Variants in AAK1 observed in about 807,000 individuals in gnomAD.
The protein encoded by AAK1 is AP2 associated kinase 1.
A neutral mutation model predicts 116.0 loss-of-function variants in AAK1; 37 were observed. The ratio of observed to expected loss-of-function variants is 0.32; its 90% CI spans 0.25 to 0.42. The LOEUF (loss-of-function observed/expected upper bound fraction) is 0.42, where lower values mean the gene tolerates loss of function less well. AAK1 is among the 10% of genes least tolerant of loss of function. The pLI, the probability that AAK1 is intolerant of heterozygous loss-of-function variation, is 1.00. For missense variants in AAK1, 919 were observed against 1,170.6 expected (o/e 0.79, Z 3.14); for synonymous variants, 458 against 439.9 (o/e 1.04, Z -0.51).
chr2:69,531,880 C>T, intron 6 of AAK1, 161 bp downstream of exon 6: 3 of 1,334,604 alleles, frequency 2.2e-6, no homozygotes, highest in East Asian at 5.0e-5. Flanking sequence ...CCTCATTCTT[C>T]ACTTAAAGTC....
chr2:69,598,171 C>CA, intron 2 of AAK1: 1 of 1,019,166 alleles, frequency 9.8e-7, no homozygotes, highest in Non-Finnish European at 1.3e-6. Context: ...ATGCCAAGTA[C>CA]ATCATGAATA....
chr2:69,562,894 A>G (rs1671706052), intron 2 of AAK1, among the ~76,000 whole-genome samples: 2 of 151,832 alleles, frequency 1.3e-5, no homozygotes, highest in Non-Finnish European at 2.9e-5. Context: ...CATCTCAAAA[A>G]CAAAACAAAT....
chr2:69,619,638 C>T (rs1446175326), intron 2 of AAK1, among the ~76,000 whole-genome samples: 3 of 151,972 alleles, frequency 2.0e-5, no homozygotes, highest in African/African-American at 7.3e-5. Flanking sequence ...GGAGTGCTGC[C>T]GGGAGGGAGG....
At chr2:69,499,108 A>G (rs973967924) in intron 16 of AAK1, among the ~76,000 whole-genome samples, 43 of 152,112 alleles carry the variant, frequency 2.8e-4, no homozygotes, top group African/African-American at 1.0e-3. Context: ...GGCACACTGA[A>G]CTCTCAGGAC....
intron 2 of AAK1, among the ~76,000 whole-genome samples, chr2:69,573,645 T>C (rs906871475): frequency 6.6e-6 from 1 of 152,154 alleles, no homozygotes; most frequent in Non-Finnish European, 1.5e-5. Context: ...ACTCCTAAAT[T>C]CCACTTCTAG....
intron 2 of AAK1, among the ~76,000 whole-genome samples, chr2:69,573,646 C>G (rs1227718598): frequency 4.6e-5 from 7 of 152,194 alleles, no homozygotes; most frequent in Non-Finnish European, 1.5e-5. Context: ...CTCCTAAATT[C>G]CACTTCTAGG....
At position 69,475,722 on chromosome 2, in the gene AAK1, C is replaced by T. The variant is rs1674829500; in HGVS notation, c.*147G>A. The stretch of plus-strand genomic sequence containing the variant: ...TGATTTTCTTTCCTTATCATTTCTA[C>T]AGGAGAAGGCAAGGGGTAGGAGAAA... On this transcript the variant is annotated 3_prime_UTR_variant, in exon 22 of 22. Transcript: ENST00000409085. The T allele has an allele frequency of 7.1e-7, 1 of 1,409,354 alleles. No homozygotes were observed. Among genetic ancestry groups the T allele is most frequent in the African/African-American group, 1.4e-5 (1 of 69,442 alleles). The allele number at this position is 1,409,354 out of a possible 1,614,324, so 87.3% of individuals were successfully genotyped here. A position where few individuals can be genotyped will look rare whatever the true frequency, so the allele number is the denominator to read the frequency against.
At chr2:69,532,279 C>G in intron 5 of AAK1, 117 bp from the exon 6 acceptor site, 1 of 1,292,218 alleles carries the variant, frequency 7.7e-7, no homozygotes, top group East Asian at 2.6e-5. Flanking sequence ...TTAATGTGCA[C>G]AGGGAAGTTA....
chr2:69,506,700 A>G (rs1448955210), intron 15 of AAK1, among the ~76,000 whole-genome samples: 1 of 152,212 alleles, frequency 6.6e-6, no homozygotes, highest in Non-Finnish European at 1.5e-5. Context: ...TGATAGTTAA[A>G]GCCAAAATGT....
rs1674691327 is a variant in AAK1 at position 69,471,785 on chromosome 2, T to A, written c.*4084A>T. 1.0e-6 allele frequency: 1 copy of A among 985,476 alleles called. No homozygotes were observed. The highest frequency in any genetic ancestry group is 1.2e-6 in the Non-Finnish European group (1 of 829,938). The allele number at this position is 985,476 out of a possible 1,614,324, so 61.0% of individuals were successfully genotyped here. On this transcript the variant is annotated 3_prime_UTR_variant, in exon 22 of 22. Coordinates refer to ENST00000409085, the MANE Select transcript of AAK1 (RefSeq NM_014911.5). Reference sequence around the variant, plus strand: ...GCTGTCAGCCCCAAAGATCCCTTCATTCCCACAGCACTGCTGAAGGCAGAA... The same window carrying A: ...GCTGTCAGCCCCAAAGATCCCTTCAATCCCACAGCACTGCTGAAGGCAGAA...
intron 8 of AAK1, among the ~76,000 whole-genome samples, chr2:69,528,735 G>C (rs1670121589): frequency 6.6e-6 from 1 of 152,092 alleles, no homozygotes; most frequent in Non-Finnish European, 1.5e-5. Context: ...GTTGCCAAAT[G>C]GTTTGCAAGC....
At chr2:69,632,804 C>T (rs140628304) in intron 2 of AAK1, among the ~76,000 whole-genome samples, 4 of 151,632 alleles carry the variant, frequency 2.6e-5, no homozygotes, top group African/African-American at 9.7e-5. Context: ...GAGGCCGAGG[C>T]GAGTGGATCA....
chr2:69,643,359 A>C, intron 1 of AAK1, 85 bp from the exon 2 acceptor site: 7 of 1,206,162 alleles, frequency 5.8e-6, no homozygotes, highest in Non-Finnish European at 7.3e-6. Context: ...AGCAAAAGCC[A>C]TCATCCTGGG....
chr2:69,490,712 T>G (rs1558904740), intron 17 of AAK1, among the ~76,000 whole-genome samples: 1 of 151,916 alleles, frequency 6.6e-6, no homozygotes. Flanking sequence ...GTTTCACAAG[T>G]TGAAAAAAGG....
Position 69,467,831 on chromosome 2 carries a change from T to C in AAK1, c.*8038A>G, listed in dbSNP as rs1046250453. 1.0e-6 allele frequency: 1 copy of C among 985,310 alleles called. No homozygotes were observed. Among genetic ancestry groups the C allele is most frequent in the African/African-American group, 1.7e-5 (1 of 57,256 alleles). 61.0% of individuals were successfully genotyped at this position (985,310 alleles called of 1,614,324 possible). A position where few individuals can be genotyped will look rare whatever the true frequency, so the allele number is the denominator to read the frequency against. On this transcript the variant is annotated 3_prime_UTR_variant, in exon 22 of 22. Coordinates refer to ENST00000409085, the MANE Select transcript of AAK1 (RefSeq NM_014911.5). Reference sequence around the variant, plus strand: ...TTGGGAAACCAGTCACTTAGAGACATTACATTGTAAAGAGAATGTAGAGAG... The same window carrying C: ...TTGGGAAACCAGTCACTTAGAGACACTACATTGTAAAGAGAATGTAGAGAG...
chr2:69,605,575 A>G (rs1024830653), intron 2 of AAK1, among the ~76,000 whole-genome samples: 30 of 152,336 alleles, frequency 2.0e-4, no homozygotes, highest in African/African-American at 7.2e-4. Context: ...GGAAACTGAC[A>G]TTGGCACAAT....
chr2:69,493,562 TTGTCGG>T (rs1156474481), intron 17 of AAK1, among the ~76,000 whole-genome samples: 14 of 152,232 alleles, frequency 9.2e-5, no homozygotes, highest in African/African-American at 3.1e-4. Flanking sequence ...TTTCATTCAT[TTGTCGG>T]ATCTGTAAAT....
At chr2:69,579,790 T>C (rs370633863) in intron 2 of AAK1, among the ~76,000 whole-genome samples, 1 of 152,102 alleles carries the variant, frequency 6.6e-6, no homozygotes, top group Admixed American at 6.6e-5. Context: ...CCCTGGTTGA[T>C]TTCACCCATT....
chr2:69,585,093 AG>A (rs1672707379), intron 2 of AAK1, among the ~76,000 whole-genome samples: 1 of 152,190 alleles, frequency 6.6e-6, no homozygotes, highest in South Asian at 2.1e-4. Context: ...TCAAAAACTG[AG>A]GTCCAGATAA....
Sources: gnomAD v4.1 joint callset for allele counts (sites outside exome capture counted in the v4.1 genomes callset) on GRCh38, gnomAD v4.1.1 for gene constraint, MANE v1.5 for transcripts, NCBI Gene and HGNC (gene_info 2026-07-23, HGNC 2026-07-21) for gene names.